Variants in ZNF492 observed in about 807,000 individuals in gnomAD.
The protein encoded by ZNF492 is zinc finger protein 115 (Y20).
In ZNF492, 3 loss-of-function variants were observed where a neutral mutation model predicts 6.4. The ratio of observed to expected loss-of-function variants is 0.47; its 90% CI spans 0.21 to 1.22. The LOEUF (loss-of-function observed/expected upper bound fraction) is 1.22, where lower values mean the gene tolerates loss of function less well. ZNF492 is among the 50% of genes most tolerant of loss of function. The pLI, the probability that ZNF492 is intolerant of heterozygous loss-of-function variation, is 0.22. For missense variants in ZNF492, 356 were observed against 612.5 expected (o/e 0.58, Z 4.42); for synonymous variants, 112 against 205.3 (o/e 0.55, Z 3.89).
At chr19:22,655,675 A>ATTTTTTTTTTTTTTTTTTTT (rs201831166) in intron 3 of ZNF492, among the ~76,000 whole-genome samples, 11 of 109,412 alleles carry the variant, frequency 1.0e-4, no homozygotes, top group African/African-American at 3.3e-4. Context: ...CAGTGACTTA[A>ATTTTTTTTTTTTTTTTTTTT]TTTTTTTTTT....
chr19:22,658,091 A>G (rs777504956), intron 3 of ZNF492, among the ~76,000 whole-genome samples: 1 of 152,142 alleles, frequency 6.6e-6, no homozygotes, highest in African/African-American at 2.4e-5. Flanking sequence ...TTGTATAAAC[A>G]TATAACCTAA....
intron 1 of ZNF492, among the ~76,000 whole-genome samples, chr19:22,635,818 A>T (rs1971755727): frequency 6.6e-6 from 1 of 152,194 alleles, no homozygotes; most frequent in Non-Finnish European, 1.5e-5. Flanking sequence ...ACAACCTGAG[A>T]TATGGAGTGT....
chr19:22,642,258 G>A (rs923688453), intron 1 of ZNF492, among the ~76,000 whole-genome samples: 5 of 151,866 alleles, frequency 3.3e-5, no homozygotes, highest in Non-Finnish European at 5.9e-5. Flanking sequence ...ATTTACATAC[G>A]TGAAAATAAG....
At chr19:22,651,057 C>A (rs965048268) in intron 1 of ZNF492, among the ~76,000 whole-genome samples, 1 of 152,160 alleles carries the variant, frequency 6.6e-6, no homozygotes, top group Non-Finnish European at 1.5e-5. Context: ...CGAGTGAAAT[C>A]TTTCAGTCTA....
intron 1 of ZNF492, among the ~76,000 whole-genome samples, chr19:22,646,068 G>A (rs1021160471): frequency 2.0e-5 from 3 of 152,146 alleles, no homozygotes; most frequent in African/African-American, 4.8e-5. Context: ...AATGTGAATG[G>A]TAGTTTGATG....
intron 1 of ZNF492, among the ~76,000 whole-genome samples, chr19:22,647,434 T>C (rs190534261): frequency 6.6e-6 from 1 of 150,650 alleles, no homozygotes. Context: ...TTTTTTTTTT[T>C]AATTTTTATT....
At chr19:22,638,121 A>G (rs1971786762) in intron 1 of ZNF492, among the ~76,000 whole-genome samples, 2 of 152,064 alleles carry the variant, frequency 1.3e-5, no homozygotes. Flanking sequence ...GACCTTTGTC[A>G]AAAGCATAGT....
In ZNF492 at chr19:22,659,589, CACAG is replaced by C. The variant is rs1264129102; in HGVS notation, c.131-4209_131-4206del. The stretch of plus-strand genomic sequence containing the variant: ...ACACACACACACACACACACACACA[CACAG>C]AGAGAGAGAGAGACGTGTATACAGA... On this transcript the variant is annotated intron_variant, in intron 3 of 3. Transcript: ENST00000456783. 1.9e-3 allele frequency among the ~76,000 whole-genome samples: 281 copies of C among 149,912 alleles called. 3 individuals are homozygous for C. The highest frequency in any genetic ancestry group is 6.3e-3 in the African/African-American group (252 of 39,998).
rs544406928 is a variant in ZNF492, at chr19:22,654,988, C to T, written c.130+973C>T. Reference sequence around the variant, plus strand: ...AATCTAGAGAGCACTGTAGATAACACGGCACTTTAATAATATTCTTTCAGC... The same window carrying T: ...AATCTAGAGAGCACTGTAGATAACATGGCACTTTAATAATATTCTTTCAGC... On this transcript the variant is annotated intron_variant, in intron 3 of 3. Transcript: ENST00000456783. Among the ~76,000 whole-genome samples, 17 of 151,692 alleles carry T rather than the reference C, an allele frequency of 1.1e-4. No homozygotes were observed. In the East Asian group the frequency reaches 3.1e-3, roughly 28 times the overall value.
intron 3 of ZNF492, among the ~76,000 whole-genome samples, chr19:22,657,489 G>A (rs1056467885): frequency 6.6e-6 from 1 of 151,864 alleles, no homozygotes; most frequent in African/African-American, 2.4e-5. Flanking sequence ...TGATTATACT[G>A]CATTTTATCT....
Position 22,644,092 on chromosome 19 carries a change from G to A in ZNF492, c.-93-9215G>A, listed in dbSNP as rs1222732323. 3.3e-5 allele frequency among the ~76,000 whole-genome samples: 5 copies of A among 152,032 alleles called. No individual in the cohort carries two copies. The East Asian group carries it at 9.7e-4, about 29-fold the overall frequency. On this transcript the variant is annotated intron_variant, in intron 1 of 3. Transcript: ENST00000456783. ...TTCTGTTTTGGGTCTTCTGCCTGTG[G>A]GTGTGGTGGTAGCAGGTAAACATGT...
chr19:22,635,057 A>T (rs1259602834), intron 1 of ZNF492, among the ~76,000 whole-genome samples: 1 of 152,096 alleles, frequency 6.6e-6, no homozygotes, highest in African/African-American at 2.4e-5. Flanking sequence ...GTAGTTTCTT[A>T]ATTTTCACCT....
chr19:22,635,912 T>C (rs1409816289), intron 1 of ZNF492, among the ~76,000 whole-genome samples: 1 of 152,172 alleles, frequency 6.6e-6, no homozygotes, highest in Non-Finnish European at 1.5e-5. Flanking sequence ...GCAGGTTTGT[T>C]ATACAGCTAA....
intron 1 of ZNF492, among the ~76,000 whole-genome samples, chr19:22,642,612 A>G (rs557914182): frequency 6.6e-6 from 1 of 151,826 alleles, no homozygotes; most frequent in African/African-American, 2.4e-5. Flanking sequence ...GATGGTCTCC[A>G]TCTCCTGACC....
At position 22,666,073 on chromosome 19, in the gene ZNF492, C is replaced by A. The variant is rs113141632; in HGVS notation, c.*808C>A. ...AGATTTTTTTTAAAAGTAAATAACT[C>A]TCAAATTACTTCATACAAATAATGT... On this transcript the variant is annotated 3_prime_UTR_variant, in exon 4 of 4. Coordinates refer to ENST00000456783, the MANE Select transcript of ZNF492 (RefSeq NM_020855.3). 1.3e-5 allele frequency: 2 copies of A among 151,526 alleles called. No individual in the cohort carries two copies. Among genetic ancestry groups the A allele is most frequent in the South Asian group, 4.2e-4 (2 of 4,806 alleles). The allele number at this position is 151,526 out of a possible 1,614,324, so 9.4% of individuals were successfully genotyped here.
At chr19:22,654,461 TTCTG>T (rs1971973305) in intron 3 of ZNF492, among the ~76,000 whole-genome samples, 1 of 152,118 alleles carries the variant, frequency 6.6e-6, no homozygotes, top group Non-Finnish European at 1.5e-5. Flanking sequence ...GCACATTGCA[TTCTG>T]TCTTATTATA....
At chr19:22,642,795 T>C (rs1971841827) in intron 1 of ZNF492, among the ~76,000 whole-genome samples, 3 of 152,180 alleles carry the variant, frequency 2.0e-5, no homozygotes, top group Admixed American at 2.0e-4. Context: ...TCATTAAAAG[T>C]ACACACAGAT....
At chr19:22,653,467 T>C in intron 2 of ZNF492, 34 bp downstream of exon 2, 3 of 1,594,344 alleles carry the variant, frequency 1.9e-6, no homozygotes, top group Non-Finnish European at 2.6e-6. Flanking sequence ...TTCCCTAATA[T>C]ACCCTATAAA....
chr19:22,647,189 C>G (rs1971887136), intron 1 of ZNF492, among the ~76,000 whole-genome samples: 1 of 151,480 alleles, frequency 6.6e-6, no homozygotes, highest in South Asian at 2.1e-4. Context: ...CTGCGCCCGG[C>G]CTGGTGGATG....
Sources: gnomAD v4.1 joint callset for allele counts (sites outside exome capture counted in the v4.1 genomes callset) on GRCh38, gnomAD v4.1.1 for gene constraint, MANE v1.5 for transcripts, NCBI Gene and HGNC (gene_info 2026-07-23, HGNC 2026-07-21) for gene names.